The following MCMBP variants were observed in gnomAD, a reference collection of about 807,000 sequenced individuals.
MCMBP encodes minichromosome maintenance complex binding protein, also known as mini-chromosome maintenance complex-binding protein.
Under a neutral mutation model 81.3 loss-of-function variants are expected in MCMBP, and 31 were observed. The observed-to-expected ratio is 0.38, with a 90% confidence interval of 0.29 to 0.51. The LOEUF (loss-of-function observed/expected upper bound fraction) is 0.51. Among genes scored for constraint, MCMBP ranks in the 20% least tolerant of loss-of-function variants. MCMBP has a pLI of 0.87. For missense variants in MCMBP, 645 were observed against 772.1 expected (o/e 0.84, Z 1.95); for synonymous variants, 267 against 275.9 (o/e 0.97, Z 0.32).
chr10:119,843,342 C>T lies in MCMBP; in HGVS notation c.912G>A (p.Val304=), dbSNP rs762610274. Residue 304 remains valine, a synonymous_variant, in exon 9 of 16, where the codon GTG becomes GTA. Transcript: ENST00000369077. ...QRVHSPPASL[V]PRIHVILAQK... is the part of the protein sequence containing the mutation. ...GGGCTAAGATCACATGAATTCTCGG[C>T]ACTAATGAAGCAGGAGGACTGTGTA... 6.2e-7 allele frequency: 1 copy of T among 1,614,080 alleles called. No individual in the cohort carries two copies. Among genetic ancestry groups the T allele is most frequent in the Admixed American group, 1.7e-5 (1 of 60,022 alleles).
At position 119,870,304 on chromosome 10, in the gene MCMBP, G is replaced by A. The variant is rs146363748; in HGVS notation, c.58+2223C>T. The stretch of plus-strand genomic sequence containing the variant: ...TCTACTAAAAATACAAAAATTAGCC[G>A]GGCGTGGTGGCGCGGGCCTATAGTC... On this transcript the variant is annotated intron_variant, in intron 1 of 15. Transcript: ENST00000369077. Among the ~76,000 whole-genome samples the A allele has an allele frequency of 3.1e-3, 476 of 152,120 alleles. 1 individual carries two copies. Among genetic ancestry groups the A allele is most frequent in the African/African-American group, 0.011 (452 of 41,488 alleles).
At chr10:119,855,480 G>A (rs1340654650) in intron 5 of MCMBP, among the ~76,000 whole-genome samples, 1 of 152,152 alleles carries the variant, frequency 6.6e-6, no homozygotes, top group Non-Finnish European at 1.5e-5. Context: ...GACCAGCCTG[G>A]CCAACATGGT....
rs12778411 is a variant in MCMBP, at chr10:119,830,541, G to T, written c.*933C>A. On this transcript the variant is annotated 3_prime_UTR_variant, in exon 16 of 16. Coordinates refer to ENST00000369077, the MANE Select transcript of MCMBP (RefSeq NM_001256378.2). ...AGAAAATAAAAACTTTCTAAAGGGGGTATTGCTTTTTAAGTTTCCTATTTT... is the reference window on the plus strand; with the variant it reads ...AGAAAATAAAAACTTTCTAAAGGGGTTATTGCTTTTTAAGTTTCCTATTTT... 6.6e-6 allele frequency: 1 copy of T among 152,128 alleles called. No homozygotes were observed. The highest frequency in any genetic ancestry group is 1.5e-5 in the Non-Finnish European group (1 of 68,030). The allele number at this position is 152,128 out of a possible 1,614,324, so 9.4% of individuals were successfully genotyped here.
intron 1 of MCMBP, among the ~76,000 whole-genome samples, chr10:119,862,981 A>G (rs901463791): frequency 1.3e-5 from 2 of 152,132 alleles, no homozygotes; most frequent in Non-Finnish European, 1.5e-5. Flanking sequence ...GCCTACTTAA[A>G]TCTTTTGCCC....
chr10:119,848,399 G>A (rs911248238), intron 7 of MCMBP, among the ~76,000 whole-genome samples: 10 of 152,058 alleles, frequency 6.6e-5, no homozygotes, highest in African/African-American at 2.4e-4. Context: ...GTCACTTGAG[G>A]TCAGGAGTTC....
chr10:119,846,085 C>T (rs1852609546), intron 8 of MCMBP, among the ~76,000 whole-genome samples: 1 of 152,164 alleles, frequency 6.6e-6, no homozygotes, highest in African/African-American at 2.4e-5. Flanking sequence ...AGATGCAAAT[C>T]TAATCCAGTA....
In MCMBP at chr10:119,858,870, T is replaced by A. The variant is rs34469768; in HGVS notation, c.327+14A>T. The A allele has an allele frequency of 0.064, 101,083 of 1,578,162 alleles. 4,713 individuals are homozygous for A. Among genetic ancestry groups the A allele is most frequent in the South Asian group, 0.18 (15,676 of 86,608 alleles). ...TCTTACTAAAAATGTTTCATATATATTAAAGATACATACCCCACACTCTGC... is the reference window on the plus strand; with the variant it reads ...TCTTACTAAAAATGTTTCATATATAATAAAGATACATACCCCACACTCTGC... On this transcript the variant is annotated intron_variant, in intron 4 of 15. Transcript: ENST00000369077.
At chr10:119,871,961 T>C (rs888382169) in intron 1 of MCMBP, among the ~76,000 whole-genome samples, 1 of 152,178 alleles carries the variant, frequency 6.6e-6, no homozygotes, top group African/African-American at 2.4e-5. Context: ...CCAGACTAGA[T>C]GGGTTCTAAA....
chr10:119,831,242 T>C lies in MCMBP; in HGVS notation c.*232A>G, dbSNP rs1475372928. 1 of 278,482 alleles carries C rather than the reference T, an allele frequency of 3.6e-6. No individual in the cohort carries two copies. Among genetic ancestry groups the C allele is most frequent in the East Asian group, 7.6e-5 (1 of 13,090 alleles). 17.3% of individuals were successfully genotyped at this position (278,482 alleles called of 1,614,324 possible). A position where few individuals can be genotyped will look rare whatever the true frequency, so the allele number is the denominator to read the frequency against. Reference sequence around the variant, plus strand: ...ATATCAAATACTTTTTTTACATCATTACTAATTTATATAATTATTATAAAA... The same window carrying C: ...ATATCAAATACTTTTTTTACATCATCACTAATTTATATAATTATTATAAAA... On this transcript the variant is annotated 3_prime_UTR_variant, in exon 16 of 16. Transcript: ENST00000369077.
intron 13 of MCMBP, among the ~76,000 whole-genome samples, chr10:119,835,968 T>TG (rs1852226159): frequency 6.6e-6 from 1 of 152,084 alleles, no homozygotes; most frequent in African/African-American, 2.4e-5. Context: ...TCCTCAGTAG[T>TG]GGGACCACAG....
intron 13 of MCMBP, 34 bp from the exon 14 acceptor site, chr10:119,835,738 G>C (rs531657041): frequency 1.2e-6 from 2 of 1,607,190 alleles, no homozygotes; most frequent in African/African-American, 2.7e-5. Flanking sequence ...TATTTTCTGA[G>C]TTCCTAAATT....
chr10:119,846,921 A>C (rs1289353586), intron 8 of MCMBP, among the ~76,000 whole-genome samples: 2 of 152,176 alleles, frequency 1.3e-5, no homozygotes, highest in Non-Finnish European at 2.9e-5. Context: ...AGGAAAAAAA[A>C]AAAGTGGCAA....
At position 119,855,543 on chromosome 10, in the gene MCMBP, G is replaced by C. The variant is rs149289556; in HGVS notation, c.429+1795C>G. 1.2e-3 allele frequency among the ~76,000 whole-genome samples: 187 copies of C among 152,168 alleles called. 1 individual carries two copies. In the East Asian group the frequency reaches 0.033, roughly 27 times the overall value. ...AACAATTAGCCGGGCATGGTGGCAG[G>C]CACCTGCAATCCCAGCTACTTGGGA... On this transcript the variant is annotated intron_variant, in intron 5 of 15. Transcript: ENST00000369077.
chr10:119,840,034 GA>G (rs1027529152), intron 11 of MCMBP, among the ~76,000 whole-genome samples: 1 of 152,114 alleles, frequency 6.6e-6, no homozygotes, highest in African/African-American at 2.4e-5. Flanking sequence ...TTTGGCTTGG[GA>G]AAAGTTGTTT....
chr10:119,842,524 G>T lies in MCMBP; in HGVS notation c.1072C>A (p.Leu358Met). The stretch of plus-strand genomic sequence containing the variant: ...TATTCAGCAGCCAAACTATCCCCCA[G>T]AAGGGCATGAGTAAGGAACCCAAGA... The part of the protein sequence containing the change: ...ELLGFLTHAL[L>M]GDSLAAEYLI... The change falls in exon 10 of 16, where the codon CTG becomes ATG. Residue 358 changes from leucine (L) to methionine (M), a missense_variant. Transcript: ENST00000369077. 6.2e-7 allele frequency: 1 copy of T among 1,613,960 alleles called. No individual in the cohort carries two copies. The highest frequency in any genetic ancestry group is 8.5e-7 in the Non-Finnish European group (1 of 1,179,888).
chr10:119,856,180 C>G (rs554074497), intron 5 of MCMBP, among the ~76,000 whole-genome samples: 1 of 152,318 alleles, frequency 6.6e-6, no homozygotes, highest in South Asian at 2.1e-4. Flanking sequence ...CAAGATCACG[C>G]TACTGCACTT....
intron 5 of MCMBP, among the ~76,000 whole-genome samples, chr10:119,857,029 G>C (rs902221606): frequency 1.3e-5 from 2 of 150,124 alleles, no homozygotes; most frequent in African/African-American, 4.9e-5. Flanking sequence ...GAGCCCAGGA[G>C]GTTGAAGCAG....
At chr10:119,841,753 T>C (rs1436765748) in intron 10 of MCMBP, among the ~76,000 whole-genome samples, 1 of 152,202 alleles carries the variant, frequency 6.6e-6, no homozygotes, top group East Asian at 1.9e-4. Flanking sequence ...AGTTTTAAAA[T>C]GAGAAACAAA....
chr10:119,835,957 C>T (rs1257735149), intron 13 of MCMBP, among the ~76,000 whole-genome samples: 3 of 152,092 alleles, frequency 2.0e-5, no homozygotes, highest in Non-Finnish European at 4.4e-5. Flanking sequence ...CCACCTCAGC[C>T]TCCTCAGTAG....
Sources: gnomAD v4.1 joint callset for allele counts (sites outside exome capture counted in the v4.1 genomes callset) on GRCh38, gnomAD v4.1.1 for gene constraint, MANE v1.5 for transcripts, NCBI Gene and HGNC (gene_info 2026-07-23, HGNC 2026-07-21) for gene names.